The following LRRC4C variants were observed in gnomAD, a reference collection of about 807,000 sequenced individuals.
LRRC4C encodes the protein leucine rich repeat containing 4C.
In LRRC4C, 5 loss-of-function variants were observed where a neutral mutation model predicts 33.6. The observed-to-expected ratio is 0.15, with a 90% CI of 0.08 to 0.31. The LOEUF (loss-of-function observed/expected upper bound fraction) is 0.31, where lower values mean the gene tolerates loss of function less well. Among genes scored for constraint, LRRC4C ranks in the 10% least tolerant of loss-of-function variants. The probability of loss-of-function intolerance (pLI) is 1.00; values close to 1 mark genes in which losing one functional copy is unlikely to be tolerated. For synonymous variants in LRRC4C, 329 were observed against 302.0 expected, an observed-to-expected ratio of 1.09 and a Z score of -0.93; for missense variants, 560 against 796.7, an observed-to-expected ratio of 0.70 and a Z score of 3.58.
intron 1 of LRRC4C, among the ~76,000 whole-genome samples, chr11:41,020,679 AAATTTCTG>A (rs1332782148): frequency 7.9e-5 from 12 of 152,294 alleles, no homozygotes; most frequent in Non-Finnish European, 1.5e-4. Context: ...GTGAGAGAAC[AAATTTCTG>A]TTTTTCTAAG....
chr11:40,368,229 C>T (rs918320189), intron 3 of LRRC4C, among the ~76,000 whole-genome samples: 8 of 151,912 alleles, frequency 5.3e-5, no homozygotes, highest in South Asian at 2.1e-4. Context: ...CTATTGGTGG[C>T]GATACAATAT....
intron 3 of LRRC4C, among the ~76,000 whole-genome samples, chr11:40,599,220 A>G (rs1959710123): frequency 6.6e-6 from 1 of 152,086 alleles, no homozygotes; most frequent in Admixed American, 6.6e-5. Flanking sequence ...AGGCTGAGGC[A>G]GGAAAATCAC....
intron 3 of LRRC4C, among the ~76,000 whole-genome samples, chr11:40,599,194 A>C: frequency 6.6e-6 from 1 of 151,988 alleles, no homozygotes; most frequent in Non-Finnish European, 1.5e-5. Flanking sequence ...CATGTCTGTA[A>C]TCCCACAATT....
In LRRC4C at chr11:41,385,389, G is replaced by A. The variant is rs139806158; in HGVS notation, c.-496+74042C>T. Among the ~76,000 whole-genome samples the A allele has an allele frequency of 2.8e-3, 426 of 151,502 alleles. 1 individual carries two copies. The highest frequency in any genetic ancestry group is 5.0e-3 in the Non-Finnish European group (336 of 67,590). ...CAAAACAACAAATCGCAACAAATCT[G>A]AACAAATTTCAAATGCTTGGTGTGA... On this transcript the variant is annotated intron_variant, in intron 1 of 6. Coordinates refer to ENST00000528697, the MANE Select transcript of LRRC4C (RefSeq NM_001258419.2).
At chr11:40,389,712 T>A (rs928578305) in intron 3 of LRRC4C, among the ~76,000 whole-genome samples, 1 of 152,180 alleles carries the variant, frequency 6.6e-6, no homozygotes, top group African/African-American at 2.4e-5. Flanking sequence ...TGAAGGATTA[T>A]CTGATAAAAG....
chr11:40,467,961 T>C (rs1362512003), intron 3 of LRRC4C, among the ~76,000 whole-genome samples: 1 of 152,140 alleles, frequency 6.6e-6, no homozygotes, highest in African/African-American at 2.4e-5. Flanking sequence ...AGACCAGAAA[T>C]GACAAGGCTG....
At chr11:40,411,196 G>A (rs1385519528) in intron 3 of LRRC4C, among the ~76,000 whole-genome samples, 1 of 152,016 alleles carries the variant, frequency 6.6e-6, no homozygotes, top group Non-Finnish European at 1.5e-5. Context: ...ATCGTTGTTA[G>A]ACATCTGGAG....
intron 6 of LRRC4C, among the ~76,000 whole-genome samples, chr11:40,129,065 C>T (rs1477779852): frequency 6.6e-6 from 1 of 152,078 alleles, no homozygotes; most frequent in Non-Finnish European, 1.5e-5. Context: ...TCACCTAGAA[C>T]AGTACTCATG....
intron 1 of LRRC4C, among the ~76,000 whole-genome samples, chr11:41,440,972 C>T (rs1459914091): frequency 1.3e-5 from 2 of 152,102 alleles, no homozygotes; most frequent in African/African-American, 4.8e-5. Context: ...CTAGAGAACT[C>T]AATTACTATA....
At chr11:41,405,942 C>G (rs149036683) in intron 1 of LRRC4C, among the ~76,000 whole-genome samples, 3 of 152,216 alleles carry the variant, frequency 2.0e-5, no homozygotes, top group African/African-American at 7.2e-5. Context: ...GATACATGCT[C>G]TAAGCACTGT....
intron 3 of LRRC4C, among the ~76,000 whole-genome samples, chr11:40,576,360 G>A (rs767079148): frequency 2.6e-5 from 4 of 152,130 alleles, no homozygotes; most frequent in African/African-American, 7.2e-5. Flanking sequence ...TTCTTATGAC[G>A]GCAATGTATG....
At chr11:41,297,509 C>T (rs1304614742) in intron 1 of LRRC4C, among the ~76,000 whole-genome samples, 9 of 152,110 alleles carry the variant, frequency 5.9e-5, no homozygotes. Flanking sequence ...GAGGGTGGAA[C>T]AAGTAGAAGT....
chr11:41,042,884 C>T (rs1857523828), intron 1 of LRRC4C, among the ~76,000 whole-genome samples: 1 of 151,876 alleles, frequency 6.6e-6, no homozygotes, highest in East Asian at 1.9e-4. Flanking sequence ...CATGGAAAGA[C>T]ATTTATCTTG....
At chr11:41,241,845 C>A (rs369971581) in intron 1 of LRRC4C, among the ~76,000 whole-genome samples, 1 of 152,094 alleles carries the variant, frequency 6.6e-6, no homozygotes, top group Non-Finnish European at 1.5e-5. Context: ...TCAGTGCAAG[C>A]CCAGTCAGTG....
intron 1 of LRRC4C, among the ~76,000 whole-genome samples, chr11:41,215,155 A>G (rs1289428644): frequency 2.0e-5 from 3 of 151,554 alleles, no homozygotes; most frequent in South Asian, 2.1e-4. Flanking sequence ...ATAATCACCC[A>G]TATCTAATTT....
At chr11:41,430,454 C>T (rs1955192939) in intron 1 of LRRC4C, among the ~76,000 whole-genome samples, 1 of 152,038 alleles carries the variant, frequency 6.6e-6, no homozygotes, top group African/African-American at 2.4e-5. Flanking sequence ...ACTGTTGTGC[C>T]AGTTCCTAGA....
chr11:41,040,315 A>G (rs554163336), intron 1 of LRRC4C, among the ~76,000 whole-genome samples: 1 of 149,912 alleles, frequency 6.7e-6, no homozygotes, highest in Non-Finnish European at 1.5e-5. Flanking sequence ...AGGAATGCAT[A>G]TTTAAAAAAA....
At chr11:40,964,583 A>G (rs1448901211) in intron 1 of LRRC4C, among the ~76,000 whole-genome samples, 1 of 131,186 alleles carries the variant, frequency 7.6e-6, no homozygotes, top group African/African-American at 3.0e-5. Context: ...ATGTGTTCTC[A>G]TTGTTCAATT....
intron 5 of LRRC4C, among the ~76,000 whole-genome samples, chr11:40,155,668 C>G (rs1039289474): frequency 6.6e-6 from 1 of 152,012 alleles, no homozygotes; most frequent in Non-Finnish European, 1.5e-5. Flanking sequence ...GAATCAGATA[C>G]CCTGAACAGA....
Sources: gnomAD v4.1 joint callset for allele counts (sites outside exome capture counted in the v4.1 genomes callset) on GRCh38, gnomAD v4.1.1 for gene constraint, MANE v1.5 for transcripts, NCBI Gene and HGNC (gene_info 2026-07-23, HGNC 2026-07-21) for gene names.